The following CUX1 variants were observed in gnomAD, a reference collection of about 807,000 sequenced individuals.
CUX1 encodes the protein cut like homeobox 1, also known as protein CASP.
A neutral mutation model predicts 158.8 loss-of-function variants in CUX1; 31 were observed. The observed-to-expected ratio is 0.20, with a 90% CI of 0.15 to 0.26. CUX1 has a LOEUF of 0.26. CUX1 is among the 10% of genes least tolerant of loss of function. The probability of loss-of-function intolerance (pLI) is 1.00; values close to 1 mark genes in which losing one functional copy is unlikely to be tolerated. For synonymous variants in CUX1, 879 were observed against 862.1 expected, an observed-to-expected ratio of 1.02 and a Z score of -0.34; for missense variants, 1,589 against 2,014.6, an observed-to-expected ratio of 0.79 and a Z score of 4.04.
Position 102,089,596 on chromosome 7 carries a change from C to T in CUX1, c.269-7768C>T, listed in dbSNP as rs140437868. On this transcript the variant is annotated intron_variant, in intron 4 of 23. Coordinates refer to ENST00000292535, the MANE Select transcript of CUX1 (RefSeq NM_181552.4). ...TCTTCAACAAGTGTGTCCTCTCTGG[C>T]TGGTTGCAGTTGGAAAGTCCTCCAG... is the stretch of plus-strand genomic sequence containing the variant. Among the ~76,000 whole-genome samples the T allele has an allele frequency of 1.8e-3, 270 of 152,350 alleles. 1 individual carries two copies. Among genetic ancestry groups the T allele is most frequent in the African/African-American group, 6.3e-3 (260 of 41,574 alleles).
At chr7:101,834,361 A>G (rs891718920) in intron 1 of CUX1, among the ~76,000 whole-genome samples, 6 of 150,998 alleles carry the variant, frequency 4.0e-5, no homozygotes, top group Non-Finnish European at 8.9e-5. Flanking sequence ...TTTAGTAGAG[A>G]TGGGGTTTCG....
chr7:101,881,528 C>CT (rs1406367151), intron 1 of CUX1, among the ~76,000 whole-genome samples: 1 of 152,344 alleles, frequency 6.6e-6, no homozygotes, highest in African/African-American at 2.4e-5. Flanking sequence ...AAATATGTTT[C>CT]TTGCTCTTAT....
chr7:102,135,409 G>A (rs1423006860), intron 8 of CUX1, among the ~76,000 whole-genome samples: 6 of 152,074 alleles, frequency 3.9e-5, no homozygotes, highest in Non-Finnish European at 7.4e-5. Flanking sequence ...CAAGGAAGAG[G>A]AGGGTTGGTC....
intron 8 of CUX1, among the ~76,000 whole-genome samples, chr7:102,132,157 G>A (rs1833316510): frequency 6.6e-6 from 1 of 151,156 alleles, no homozygotes; most frequent in South Asian, 2.1e-4. Flanking sequence ...TGGATAGATG[G>A]ATGGGCGGGT....
rs781925710 is a variant in CUX1 at position 102,256,091 on chromosome 7, G to C, written c.*7049G>C. The C allele has an allele frequency of 4.1e-6, 4 of 985,460 alleles. No homozygotes were observed. The highest frequency in any genetic ancestry group is 4.8e-6 in the Non-Finnish European group (4 of 829,952). 61.0% of individuals were successfully genotyped at this position (985,460 alleles called of 1,614,324 possible). On this transcript the variant is annotated 3_prime_UTR_variant, in exon 24 of 24. Coordinates refer to ENST00000292535, the MANE Select transcript of CUX1 (RefSeq NM_181552.4). ...CTCCAGTCTCCCAGCCTGCCTCTTG[G>C]TGACCACTGTGCTGGGCGTGCAGGG... is the stretch of plus-strand genomic sequence containing the variant.
In CUX1 at chr7:102,204,476, C is replaced by T; in HGVS notation, c.2993C>T (p.Pro998Leu). ...AAGCTGACGCAGAAAGGCCGAGAAC[C>T]CTTCATCCGGATGCAGCTCTGGCTG... is the stretch of plus-strand genomic sequence containing the variant. ...WSKLTQKGRE[P>L]FIRMQLWLNG... Residue 998 changes from proline to leucine, a missense_variant, in exon 19 of 24, where the codon CCC (proline) becomes CTC (leucine). By Grantham distance (98) the Pro-to-Leu change is moderately conservative. This residue lies in a region of CUX1 where 259 missense variants were observed against 373.8 expected (regional missense o/e 0.69). Coordinates refer to ENST00000292535, the MANE Select transcript of CUX1 (RefSeq NM_181552.4). 6.2e-7 allele frequency: 1 copy of T among 1,613,836 alleles called. No homozygotes were observed. The highest frequency in any genetic ancestry group is 8.5e-7 in the Non-Finnish European group (1 of 1,180,032).
intron 4 of CUX1, among the ~76,000 whole-genome samples, chr7:102,075,788 T>C (rs1451289358): frequency 2.0e-5 from 3 of 152,210 alleles, no homozygotes; most frequent in Non-Finnish European, 4.4e-5. Flanking sequence ...CTCATTTTAC[T>C]TTGTTGTCAT....
At chr7:101,889,300 G>T (rs1399830602) in intron 1 of CUX1, among the ~76,000 whole-genome samples, 1 of 148,272 alleles carries the variant, frequency 6.7e-6, no homozygotes, top group African/African-American at 2.5e-5. Context: ...ATCGTTTCCC[G>T]AGGGTCTTTG....
chr7:101,870,336 G>C (rs1055618569), intron 1 of CUX1, among the ~76,000 whole-genome samples: 1 of 151,398 alleles, frequency 6.6e-6, no homozygotes, highest in Non-Finnish European at 1.5e-5. Flanking sequence ...TTTGTATTTT[G>C]TTGTTGTTGT....
chr7:102,223,841 A>C (rs1165786114), intron 20 of CUX1, among the ~76,000 whole-genome samples: 2 of 152,070 alleles, frequency 1.3e-5, no homozygotes, highest in East Asian at 3.9e-4. Flanking sequence ...TGGTGGCACG[A>C]ACCTGTAATC....
chr7:101,964,139 G>A (rs904197066), intron 2 of CUX1, among the ~76,000 whole-genome samples: 1 of 152,056 alleles, frequency 6.6e-6, no homozygotes, highest in Non-Finnish European at 1.5e-5. Flanking sequence ...ATCACCTGAG[G>A]TTAGGAGTTC....
chr7:102,276,340 T>G (rs1034959618), intron 17 of CUX1, among the ~76,000 whole-genome samples: 1 of 152,208 alleles, frequency 6.6e-6, no homozygotes, highest in Non-Finnish European at 1.5e-5. Flanking sequence ...CCCGCTCTCT[T>G]GCCCAGGCTG....
intron 5 of CUX1, among the ~76,000 whole-genome samples, chr7:102,103,544 C>A (rs547597005): frequency 7.6e-4 from 116 of 152,240 alleles, no homozygotes; most frequent in African/African-American, 2.7e-3. Flanking sequence ...CATCCTTCCA[C>A]CTCAGCCTCC....
At chr7:102,269,186 G>T (rs547544242) in intron 14 of CUX1, among the ~76,000 whole-genome samples, 2 of 151,694 alleles carry the variant, frequency 1.3e-5, no homozygotes, top group Admixed American at 1.3e-4. Flanking sequence ...TGTTACCCAG[G>T]CTGGTCTCGA....
At chr7:102,030,168 C>T (rs1236691976) in intron 3 of CUX1, among the ~76,000 whole-genome samples, 3 of 152,244 alleles carry the variant, frequency 2.0e-5, no homozygotes, top group Admixed American at 2.0e-4. Flanking sequence ...TGTGCCACCA[C>T]GCTCAGCTGA....
chr7:101,839,274 A>G (rs1584718386), intron 1 of CUX1, among the ~76,000 whole-genome samples: 1 of 151,720 alleles, frequency 6.6e-6, no homozygotes, highest in African/African-American at 2.4e-5. Context: ...GGGGCTGGTC[A>G]CCCTCGGTGG....
intron 15 of CUX1, among the ~76,000 whole-genome samples, chr7:102,197,624 C>T (rs897505483): frequency 1.3e-5 from 2 of 152,098 alleles, no homozygotes; most frequent in Admixed American, 6.5e-5. Context: ...TTAGTGGCCG[C>T]GGGTCCAATT....
chr7:102,027,657 T>C lies in CUX1; in HGVS notation c.142-441T>C, dbSNP rs527673439. On this transcript the variant is annotated intron_variant, in intron 2 of 23. Coordinates refer to ENST00000292535, the MANE Select transcript of CUX1 (RefSeq NM_181552.4). ...GGGCACATCTCTTAAGCCCAGGAGT[T>C]TGACCCTCGCCTGGACGACATGATG... Among the ~76,000 whole-genome samples the C allele has an allele frequency of 2.0e-5, 3 of 152,234 alleles. No individual in the cohort carries two copies. In the South Asian group the frequency reaches 6.2e-4, roughly 32 times the overall value.
chr7:102,273,638 C>T (rs911573641), intron 15 of CUX1: 8 of 1,053,776 alleles, frequency 7.6e-6, no homozygotes, highest in Non-Finnish European at 1.1e-5. Context: ...ATTGGGTTCT[C>T]CCTGCTTACT....
Sources: allele counts gnomAD v4.1 joint callset (sites outside exome capture counted in the v4.1 genomes callset), GRCh38; gene constraint gnomAD v4.1.1; regional missense constraint gnomAD v4.1.1; transcripts MANE v1.5; gene names NCBI Gene and HGNC (gene_info 2026-07-23, HGNC 2026-07-21).